The following GADL1 variants were observed in gnomAD, a reference collection of about 807,000 sequenced individuals.
GADL1 encodes GAD like acidic amino acid decarboxylase 1.
In GADL1, 71 loss-of-function variants were observed where a neutral mutation model predicts 69.5. The ratio of observed to expected loss-of-function variants is 1.02; its 90% CI spans 0.84 to 1.25. The LOEUF is 1.25. Ranked by LOEUF, GADL1 falls within the 50% of genes most tolerant of loss-of-function variation. GADL1 has a pLI of 0.00. For missense variants in GADL1, 737 were observed against 631.8 expected, an observed-to-expected ratio of 1.17 and a Z score of -1.79; for synonymous variants, 254 against 214.4, an observed-to-expected ratio of 1.18 and a Z score of -1.62.
intron 14 of GADL1, among the ~76,000 whole-genome samples, chr3:30,770,319 G>A (rs1025465837): frequency 6.6e-6 from 1 of 152,206 alleles, no homozygotes; most frequent in Non-Finnish European, 1.5e-5. Context: ...TGTTCACTCT[G>A]ATATACTTGG....
intron 14 of GADL1, among the ~76,000 whole-genome samples, chr3:30,773,049 G>A (rs184631056): frequency 1.3e-5 from 2 of 152,034 alleles, no homozygotes; most frequent in African/African-American, 4.8e-5. Context: ...TGACATATTG[G>A]ACACAATACC....
intron 11 of GADL1, among the ~76,000 whole-genome samples, chr3:30,802,741 T>C (rs146977706): frequency 1.3e-5 from 2 of 152,318 alleles, no homozygotes; most frequent in Non-Finnish European, 2.9e-5. Flanking sequence ...ACAGAGAAAT[T>C]ATATACCAAA....
chr3:30,859,475 G>A (rs1698282037), intron 2 of GADL1, among the ~76,000 whole-genome samples: 1 of 151,862 alleles, frequency 6.6e-6, no homozygotes, highest in Non-Finnish European at 1.5e-5. Context: ...AAGTATCATA[G>A]GGAAAGAAAA....
intron 14 of GADL1, among the ~76,000 whole-genome samples, chr3:30,755,135 A>C (rs1420936444): frequency 6.6e-6 from 1 of 150,574 alleles, no homozygotes; most frequent in Non-Finnish European, 1.5e-5. Flanking sequence ...TTGGGACTCT[A>C]TAGTGAATGT....
intron 12 of GADL1, chr3:30,799,316 C>T (rs7633111): frequency 0.45 from 68,164 of 152,068 alleles, 16,951 homozygotes; most frequent in South Asian, 0.64. Context: ...GACTTGTGTG[C>T]CCACATGCTC....
intron 1 of GADL1, among the ~76,000 whole-genome samples, chr3:30,873,707 A>T (rs1416938691): frequency 6.6e-6 from 1 of 151,962 alleles, no homozygotes; most frequent in African/African-American, 2.4e-5. Context: ...TTTAAATGAA[A>T]ATTTAAATAA....
At chr3:30,839,474 A>C (rs547517099) in intron 8 of GADL1, among the ~76,000 whole-genome samples, 5 of 139,390 alleles carry the variant, frequency 3.6e-5, no homozygotes, top group African/African-American at 1.4e-4. Context: ...TTCCTGAAAA[A>C]ATACATTTAG....
rs531837664 is a variant in GADL1, at chr3:30,800,562, G to C, written c.1250+327C>G. ...GCCAGTGTGCCTCAAGAACACACTA[G>C]AGAAGCCCTCCTGATTGATCTTGGA... On this transcript the variant is annotated intron_variant, in intron 12 of 14. Coordinates refer to ENST00000282538, the MANE Select transcript of GADL1 (RefSeq NM_207359.3). 5.3e-4 allele frequency: 153 copies of C among 287,508 alleles called. 1 individual carries two copies. Among genetic ancestry groups the C allele is most frequent in the Middle Eastern group, 2.2e-3 (2 of 900 alleles). The allele number at this position is 287,508 out of a possible 1,614,324, so 17.8% of individuals were successfully genotyped here. A position where few individuals can be genotyped will look rare whatever the true frequency, so the allele number is the denominator to read the frequency against.
intron 14 of GADL1, among the ~76,000 whole-genome samples, chr3:30,749,792 C>T (rs1473889508): frequency 6.6e-6 from 1 of 152,162 alleles, no homozygotes; most frequent in Non-Finnish European, 1.5e-5. Flanking sequence ...GCTCCCGAGG[C>T]ACTCTACTGA....
intron 1 of GADL1, among the ~76,000 whole-genome samples, chr3:30,883,257 C>T (rs1270147896): frequency 6.6e-6 from 1 of 151,748 alleles, no homozygotes; most frequent in Admixed American, 6.6e-5. Flanking sequence ...CTTTTTGTTT[C>T]CTGATAGAAA....
At chr3:30,819,993 T>G (rs1697543484) in intron 11 of GADL1, among the ~76,000 whole-genome samples, 1 of 151,998 alleles carries the variant, frequency 6.6e-6, no homozygotes, top group African/African-American at 2.4e-5. Flanking sequence ...TAAAAACTGA[T>G]GCCTGTTATT....
In GADL1 at chr3:30,728,189, G is replaced by T; in HGVS notation, c.*53C>A. ...TACTGTGTATCTCCAAGATGTTCTGGATCTAAACTCTCCCAGGATAGGATC... is the reference window on the plus strand; with the variant it reads ...TACTGTGTATCTCCAAGATGTTCTGTATCTAAACTCTCCCAGGATAGGATC... On this transcript the variant is annotated 3_prime_UTR_variant, in exon 15 of 15. Coordinates refer to ENST00000282538, the MANE Select transcript of GADL1 (RefSeq NM_207359.3). The T allele has an allele frequency of 6.7e-7, 1 of 1,481,952 alleles. No individual in the cohort carries two copies. Among genetic ancestry groups the T allele is most frequent in the Non-Finnish European group, 9.4e-7 (1 of 1,063,558 alleles). The allele number at this position is 1,481,952 out of a possible 1,614,324, so 91.8% of individuals were successfully genotyped here.
chr3:30,755,256 G>C (rs1297742093), intron 14 of GADL1, among the ~76,000 whole-genome samples: 2 of 151,304 alleles, frequency 1.3e-5, no homozygotes, highest in African/African-American at 2.4e-5. Flanking sequence ...AATATTCAAA[G>C]ATGTTTACAT....
chr3:30,847,540 T>A (rs1698078502), intron 6 of GADL1, among the ~76,000 whole-genome samples: 1 of 152,174 alleles, frequency 6.6e-6, no homozygotes, highest in Non-Finnish European at 1.5e-5. Flanking sequence ...TAATAAGTAG[T>A]AAAGGCAGTC....
intron 14 of GADL1, among the ~76,000 whole-genome samples, chr3:30,756,995 C>CT (rs556890572): frequency 1.3e-5 from 2 of 152,086 alleles, no homozygotes; most frequent in African/African-American, 4.8e-5. Flanking sequence ...ATGTGTGGGT[C>CT]TTGAGAATCA....
In GADL1 at chr3:30,805,734, C is replaced by CTTTTTTTTT. The variant is rs34788058; in HGVS notation, c.1051-4655_1051-4647dup. 2.7e-4 allele frequency among the ~76,000 whole-genome samples: 18 copies of CTTTTTTTTT among 66,090 alleles called. 1 individual carries two copies. Among genetic ancestry groups the CTTTTTTTTT allele is most frequent in the African/African-American group, 1.4e-3 (17 of 11,834 alleles). The allele number at this position is 66,090 out of a possible 152,430, so 43.4% of individuals were successfully genotyped here. On this transcript the variant is annotated intron_variant, in intron 11 of 14. Transcript: ENST00000282538. Reference sequence around the variant, plus strand: ...ATTCTGTGCACCAGCAGTCCCCAGCCTTTTTTTTTTTTTTTTTTTTTTTTG... The same window carrying CTTTTTTTTT: ...ATTCTGTGCACCAGCAGTCCCCAGCCTTTTTTTTTTTTTTTTTTTTTTTTTTTTTTTTTG...
rs576858838 is a variant in GADL1, at chr3:30,801,149, C to A, written c.1051-61G>T. ...TTAGAATATAACTTGATTTTGAAAG[C>A]AAACACATGTACACACACAATGTGT... On this transcript the variant is annotated intron_variant, in intron 11 of 14. Coordinates refer to ENST00000282538, the MANE Select transcript of GADL1 (RefSeq NM_207359.3). The A allele has an allele frequency of 4.4e-5, 56 of 1,280,316 alleles. No individual in the cohort carries two copies. In the East Asian group the frequency reaches 1.3e-3, roughly 29 times the overall value. The allele number at this position is 1,280,316 out of a possible 1,614,324, so 79.3% of individuals were successfully genotyped here.
intron 13 of GADL1, among the ~76,000 whole-genome samples, chr3:30,782,006 G>A (rs1205565770): frequency 6.6e-6 from 1 of 151,992 alleles, no homozygotes; most frequent in Non-Finnish European, 1.5e-5. Context: ...AATAAGCAAA[G>A]CTTTCTATGT....
rs149173321 is a variant in GADL1 at position 30,867,893 on chromosome 3, C to T, written c.38-6128G>A. Among the ~76,000 whole-genome samples, 288 of 152,100 alleles carry T rather than the reference C, an allele frequency of 1.9e-3. 1 individual carries two copies. The highest frequency in any genetic ancestry group is 6.6e-3 in the African/African-American group (275 of 41,544). On this transcript the variant is annotated intron_variant, in intron 1 of 14. Transcript: ENST00000282538. The stretch of plus-strand genomic sequence containing the variant: ...ATATGCTGAATGTAAACAATGTAGA[C>T]ATTTGAAATTAAGGGTTGTGGTTAT...
Sources: allele counts gnomAD v4.1 joint callset (sites outside exome capture counted in the v4.1 genomes callset), GRCh38; gene constraint gnomAD v4.1.1; transcripts MANE v1.5; gene names NCBI Gene and HGNC (gene_info 2026-07-23, HGNC 2026-07-21).